ABCF2: variants seen among roughly 807,000 people sequenced by gnomAD.
The protein encoded by ABCF2 is ATP-binding cassette sub-family F member 2.
A neutral mutation model predicts 76.9 loss-of-function variants in ABCF2; 37 were observed. That is an observed-to-expected ratio of 0.48 (90% CI 0.37 to 0.63). The LOEUF is 0.63. Among genes scored for constraint, ABCF2 ranks in the 30% least tolerant of loss-of-function variants. The pLI, the probability that ABCF2 is intolerant of heterozygous loss-of-function variation, is 0.00. For missense variants in ABCF2, 524 were observed against 782.1 expected (o/e 0.67, Z 3.94); for synonymous variants, 299 against 283.7 (o/e 1.05, Z -0.54).
Position 151,218,118 on chromosome 7 carries a change from G to A in ABCF2, c.1301C>T (p.Ala434Val). The A allele has an allele frequency of 6.8e-6, 11 of 1,614,112 alleles. No individual in the cohort carries two copies. The highest frequency in any genetic ancestry group is 2.2e-5 in the East Asian group (1 of 44,886). ...CAGCTTCAGAAGAGTTGACTTCCCT[G>A]CTCCATTGGGCCCTACCAGAGCCAC... ...TRVALVGPNG[A>V]GKSTLLKLLT... is the part of the protein sequence containing the mutation. The change falls in exon 11 of 15, where the codon GCA becomes GTA. Residue 434 changes from alanine to valine, a missense_variant. Around this residue, in one of 2 missense-constraint regions of ABCF2, gnomAD observed 194 missense variants for 348.6 expected, o/e 0.56. Coordinates refer to ENST00000287844, the MANE Select transcript of ABCF2 (RefSeq NM_007189.3).
intron 5 of ABCF2, 121 bp from the exon 6 acceptor site, chr7:151,222,737 A>G (rs1405860371): frequency 7.2e-6 from 5 of 697,524 alleles, no homozygotes; most frequent in African/African-American, 1.8e-5. Context: ...CTTGAAATCA[A>G]TTTTAGGCTC....
rs1802082050 is a variant in ABCF2, at chr7:151,213,192, A to C, written c.*862T>G. 1 of 984,038 alleles carries C rather than the reference A, an allele frequency of 1.0e-6. No individual in the cohort carries two copies. Among genetic ancestry groups the C allele is most frequent in the Non-Finnish European group, 1.2e-6 (1 of 828,762 alleles). 61.0% of individuals were successfully genotyped at this position (984,038 alleles called of 1,614,324 possible). The stretch of plus-strand genomic sequence containing the variant: ...GACCAGCAACAACAGCATCACCTGG[A>C]AACTTGCTAGAAATGTTAACGTTCT... On this transcript the variant is annotated 3_prime_UTR_variant, in exon 15 of 15. Transcript: ENST00000287844.
At chr7:151,226,183 C>T (rs1385300053) in intron 2 of ABCF2, 122 bp downstream of exon 2, 4 of 1,163,356 alleles carry the variant, frequency 3.4e-6, no homozygotes, top group African/African-American at 1.6e-5. Context: ...TTTGATTCAT[C>T]ATGAAAAGTT....
chr7:151,221,129 A>G (rs915093931), intron 7 of ABCF2, among the ~76,000 whole-genome samples: 2 of 152,254 alleles, frequency 1.3e-5, no homozygotes, highest in Non-Finnish European at 2.9e-5. Flanking sequence ...GGATTAAAAT[A>G]AAACAGGTGG....
Position 151,215,586 on chromosome 7 carries a change from A to G in ABCF2, c.1530+18T>C. ...CTGCCAGCTATCTGGCATCCTCACC[A>G]CACCCTCCTTTACTGACCTGTTGTT... is the stretch of plus-strand genomic sequence containing the variant. On this transcript the variant is annotated intron_variant, in intron 13 of 14. Coordinates refer to ENST00000287844, the MANE Select transcript of ABCF2 (RefSeq NM_007189.3). The surrounding 1 kb of genome is among the most constrained non-coding windows in gnomAD (Gnocchi z 4.6). 6.2e-7 allele frequency: 1 copy of G among 1,613,572 alleles called. No homozygotes were observed. Among genetic ancestry groups the G allele is most frequent in the East Asian group, 2.2e-5 (1 of 44,862 alleles).
In ABCF2 at chr7:151,224,803, A is replaced by G; in HGVS notation, c.340T>C (p.Tyr114His). The change falls in exon 3 of 15, where the codon TAT becomes CAT. Residue 114 changes from tyrosine (Y) to histidine (H), a missense_variant. Coordinates refer to ENST00000287844, the MANE Select transcript of ABCF2 (RefSeq NM_007189.3). ...TKLELNSGRR[Y>H]GLIGLNGIGK... is the part of the protein sequence containing the mutation. ...ATTCCATTTAAACCAATGAGGCCAT[A>G]ACGACGGCCTGAGTTTAATTCCAGT... 2 of 1,614,236 alleles carry G rather than the reference A, an allele frequency of 1.2e-6. No individual in the cohort carries two copies.
intron 10 of ABCF2, 108 bp downstream of exon 10, chr7:151,218,453 G>C (rs1802197274): frequency 2.0e-6 from 2 of 1,007,420 alleles, no homozygotes; most frequent in Admixed American, 4.4e-5. Context: ...AAATCCCCCA[G>C]AGCACGTGGG....
chr7:151,226,715 C>A, intron 1 of ABCF2: 1 of 392,640 alleles, frequency 2.5e-6, no homozygotes. Flanking sequence ...CCACAGGCAC[C>A]AGTCCCCCAC....
chr7:151,216,388 T>G (rs1802151227), intron 11 of ABCF2, among the ~76,000 whole-genome samples: 1 of 152,228 alleles, frequency 6.6e-6, no homozygotes, highest in Non-Finnish European at 1.5e-5. Context: ...AAACAGAACC[T>G]ATTTTAAAGT....
Position 151,213,756 on chromosome 7 carries a change from G to A in ABCF2, c.*298C>T. 1 of 1,161,188 alleles carries A rather than the reference G, an allele frequency of 8.6e-7. No individual in the cohort carries two copies. The highest frequency in any genetic ancestry group is 1.1e-6 in the Non-Finnish European group (1 of 941,842). The allele number at this position is 1,161,188 out of a possible 1,614,324, so 71.9% of individuals were successfully genotyped here. On this transcript the variant is annotated 3_prime_UTR_variant, in exon 15 of 15. Transcript: ENST00000287844. ...GCTTGGGCCCCTGGGCTAACCCGCAGGTGCCTCTGACTGCATCACACTCAG... is the reference window on the plus strand; with the variant it reads ...GCTTGGGCCCCTGGGCTAACCCGCAAGTGCCTCTGACTGCATCACACTCAG...
At position 151,215,896 on chromosome 7, in the gene ABCF2, T is replaced by G; in HGVS notation, c.1401+71A>C. On this transcript the variant is annotated intron_variant, in intron 12 of 14. Coordinates refer to ENST00000287844, the MANE Select transcript of ABCF2 (RefSeq NM_007189.3). This position sits in a 1 kb window ranked among gnomAD's most constrained non-coding sequence, Gnocchi z 4.6. ...CTGCCAGGGGGTGGGGGCGGCTGGC[T>G]GGAACTCAGCCAGATACAGCCCCTC... is the stretch of plus-strand genomic sequence containing the variant. 6.3e-7 allele frequency: 1 copy of G among 1,590,572 alleles called. No individual in the cohort carries two copies. Among genetic ancestry groups the G allele is most frequent in the East Asian group, 2.2e-5 (1 of 44,630 alleles).
chr7:151,215,536 A>C lies in ABCF2; in HGVS notation c.1530+68T>G. Reference sequence around the variant, plus strand: ...TCCAAACCCAGGCTGCCAGGACAGTATCCCCTGACCCACCCAGCCACAGTC... The same window carrying C: ...TCCAAACCCAGGCTGCCAGGACAGTCTCCCCTGACCCACCCAGCCACAGTC... On this transcript the variant is annotated intron_variant, in intron 13 of 14. Transcript: ENST00000287844. This position sits in a 1 kb window ranked among gnomAD's most constrained non-coding sequence, Gnocchi z 4.6. The C allele has an allele frequency of 1.9e-6, 3 of 1,593,026 alleles. No homozygotes were observed. Among genetic ancestry groups the C allele is most frequent in the Non-Finnish European group, 2.6e-6 (3 of 1,168,406 alleles).
Position 151,222,556 on chromosome 7 carries a change from T to C in ABCF2, c.783A>G (p.Leu261=), listed in dbSNP as rs1802290369. 6.2e-7 allele frequency: 1 copy of C among 1,613,812 alleles called. No individual in the cohort carries two copies. Among genetic ancestry groups the C allele is most frequent in the Non-Finnish European group, 8.5e-7 (1 of 1,179,870 alleles). The change falls in exon 6 of 15, where the codon CTA becomes CTG. Residue 261 remains leucine (L), a synonymous_variant. Transcript: ENST00000287844. The part of the protein sequence containing the change: ...LLDEPTNHLD[L]DACVWLEEEL... ...CTTCTTCCAACCACACGCAAGCATC[T>C]AGGTCCAGGTGGTTGGTAGGCTCAT...
In ABCF2 at chr7:151,215,880, G is replaced by A; in HGVS notation, c.1401+87C>T. The A allele has an allele frequency of 6.3e-7, 1 of 1,583,528 alleles. No homozygotes were observed. The highest frequency in any genetic ancestry group is 8.6e-7 in the Non-Finnish European group (1 of 1,158,106). ...ACCTAGGCTGGAATTCCTGCCAGGGGGTGGGGGCGGCTGGCTGGAACTCAG... is the reference window on the plus strand; with the variant it reads ...ACCTAGGCTGGAATTCCTGCCAGGGAGTGGGGGCGGCTGGCTGGAACTCAG... On this transcript the variant is annotated intron_variant, in intron 12 of 14. Coordinates refer to ENST00000287844, the MANE Select transcript of ABCF2 (RefSeq NM_007189.3). This position sits in a 1 kb window ranked among gnomAD's most constrained non-coding sequence, Gnocchi z 4.6.
At chr7:151,221,391 A>G (rs375086185) in intron 7 of ABCF2, among the ~76,000 whole-genome samples, 187 bp downstream of exon 7, 2 of 152,040 alleles carry the variant, frequency 1.3e-5, no homozygotes, top group Admixed American at 6.5e-5. Flanking sequence ...TAGTAGAGAC[A>G]GGGTTTCACC....
chr7:151,217,338 G>C lies in ABCF2; in HGVS notation c.1338+743C>G, dbSNP rs527503646. Reference sequence around the variant, plus strand: ...GAATTGGGAAGAAACTGAAGTACCAGAGAAAACCCATGTAGACGTTAAAGG... The same window carrying C: ...GAATTGGGAAGAAACTGAAGTACCACAGAAAACCCATGTAGACGTTAAAGG... On this transcript the variant is annotated intron_variant, in intron 11 of 14. Coordinates refer to ENST00000287844, the MANE Select transcript of ABCF2 (RefSeq NM_007189.3). Among the ~76,000 whole-genome samples the C allele has an allele frequency of 5.3e-5, 8 of 152,304 alleles. No homozygotes were observed. In the South Asian group the frequency reaches 1.7e-3, roughly 32 times the overall value.
chr7:151,226,023 A>C (rs1242215860), intron 2 of ABCF2, among the ~76,000 whole-genome samples: 1 of 152,114 alleles, frequency 6.6e-6, no homozygotes, highest in Non-Finnish European at 1.5e-5. Context: ...AAACTGAGAA[A>C]GGGGCAGGGA....
rs1377310714 is a variant in ABCF2, at chr7:151,223,705, C to G, written c.695G>C (p.Gly232Ala). Residue 232 changes from glycine to alanine, a missense_variant, in exon 5 of 15, where the codon GGC becomes GCC. By Grantham distance (60) the Gly-to-Ala change is moderately conservative. Transcript: ENST00000287844. ...QRKKLKDFSG[G>A]WRMRVALARA... ...GGCAAGGGCAACCCTCATCCTCCAG[C>G]CCCCACTGAAGTCTTTTAGCTTCTT... The G allele has an allele frequency of 1.2e-6, 2 of 1,607,100 alleles. No homozygotes were observed. The highest frequency in any genetic ancestry group is 1.7e-6 in the Non-Finnish European group (2 of 1,175,110).
At chr7:151,224,647 G>T in intron 3 of ABCF2, 129 bp downstream of exon 3, 1 of 833,750 alleles carries the variant, frequency 1.2e-6, no homozygotes, top group Non-Finnish European at 2.0e-6. Context: ...CCTTTCCCCT[G>T]GACATAATCT....
Sources: allele counts gnomAD v4.1 joint callset (sites outside exome capture counted in the v4.1 genomes callset), GRCh38; gene constraint gnomAD v4.1.1; regional missense constraint gnomAD v4.1.1; non-coding constraint Gnocchi (gnomAD v3.1); transcripts MANE v1.5; gene names NCBI Gene and HGNC (gene_info 2026-07-23, HGNC 2026-07-21).